The following CRBN variants were observed in gnomAD, a reference collection of about 807,000 sequenced individuals.
CRBN encodes the protein protein cereblon.
In CRBN, 53 loss-of-function variants were observed where a neutral mutation model predicts 62.2. The ratio of observed to expected loss-of-function variants is 0.85; its 90% CI spans 0.68 to 1.07. CRBN has a LOEUF of 1.07. CRBN is among the 50% of genes least tolerant of loss of function. The pLI is 0.00. For missense variants in CRBN, 616 were observed against 531.1 expected (o/e 1.16, Z -1.57); for synonymous variants, 208 against 176.1 (o/e 1.18, Z -1.43).
chr3:3,159,431 G>C (rs938698713), intron 5 of CRBN, among the ~76,000 whole-genome samples: 5 of 152,110 alleles, frequency 3.3e-5, no homozygotes, highest in Non-Finnish European at 7.4e-5. Flanking sequence ...TAATACAAAA[G>C]AAATGTAAAA....
At chr3:3,179,568 G>A (rs933094848) in intron 1 of CRBN, 53 bp downstream of exon 1, 11 of 1,564,634 alleles carry the variant, frequency 7.0e-6, no homozygotes, top group Admixed American at 5.0e-5. Context: ...CACCGCTAGC[G>A]GCTCCGAGCC....
chr3:3,166,434 T>C (rs1285827538), intron 5 of CRBN, among the ~76,000 whole-genome samples: 2 of 152,178 alleles, frequency 1.3e-5, no homozygotes, highest in Non-Finnish European at 2.9e-5. Context: ...TGCTCAGTCT[T>C]GGTTATGTCT....
chr3:3,164,526 C>T (rs1282463289), intron 5 of CRBN, among the ~76,000 whole-genome samples: 2 of 152,176 alleles, frequency 1.3e-5, no homozygotes, highest in Non-Finnish European at 2.9e-5. Flanking sequence ...CTGGCCATTC[C>T]AAAAATCCTA....
intron 5 of CRBN, among the ~76,000 whole-genome samples, chr3:3,164,167 A>G (rs1198407837): frequency 2.0e-5 from 3 of 152,196 alleles, no homozygotes; most frequent in Non-Finnish European, 4.4e-5. Context: ...AGGCTAATTA[A>G]TAACTTTACA....
At chr3:3,167,538 G>A (rs1175802152) in intron 5 of CRBN, 96 bp downstream of exon 5, 1 of 1,198,356 alleles carries the variant, frequency 8.3e-7, no homozygotes, top group African/African-American at 1.5e-5. Context: ...AAGGTGGCTG[G>A]GTAATGAATC....
chr3:3,158,087 C>T (rs771816556), intron 5 of CRBN, among the ~76,000 whole-genome samples: 63 of 152,168 alleles, frequency 4.1e-4, no homozygotes, highest in African/African-American at 1.1e-3. Context: ...CCAACCTTTT[C>T]GACACCAGGG....
At chr3:3,158,485 A>G (rs1037250569) in intron 5 of CRBN, among the ~76,000 whole-genome samples, 8 of 152,210 alleles carry the variant, frequency 5.3e-5, no homozygotes, top group Non-Finnish European at 7.4e-5. Flanking sequence ...GTACTCTCCA[A>G]TAAGTTGTCC....
At chr3:3,173,703 TG>T (rs1281038625) in intron 3 of CRBN, among the ~76,000 whole-genome samples, 4 of 152,324 alleles carry the variant, frequency 2.6e-5, no homozygotes, top group African/African-American at 9.6e-5. Context: ...ACCACTCTTT[TG>T]GAAAAGTAAT....
Position 3,179,662 on chromosome 3 carries a change from T to C in CRBN, c.26A>G (p.Asp9Gly), listed in dbSNP as rs148285043. The C allele has an allele frequency of 5.6e-6, 9 of 1,613,008 alleles. No individual in the cohort carries two copies. The highest frequency in any genetic ancestry group is 5.1e-6 in the Non-Finnish European group (6 of 1,179,610). Residue 9 changes from aspartate to glycine, a missense_variant, in exon 1 of 11, where the codon GAC becomes GGC. Transcript: ENST00000231948. ...GTGGTTGCCCATGTTGTGCGCAGCG[T>C]CCTGCTGATCTCCTTCGCCGGCCAT... Reference protein sequence around the residue: MAGEGDQQDAAHNMGNHLP... With the variant: MAGEGDQQGAAHNMGNHLP...
chr3:3,172,534 G>A, intron 4 of CRBN: 2 of 540,782 alleles, frequency 3.7e-6, no homozygotes, highest in Non-Finnish European at 6.6e-6. Context: ...AGATGCTGCA[G>A]CCTCATCACT....
intron 1 of CRBN, among the ~76,000 whole-genome samples, chr3:3,175,641 T>C (rs1353160831): frequency 6.6e-6 from 1 of 152,204 alleles, no homozygotes; most frequent in African/African-American, 2.4e-5. Flanking sequence ...TTTAAATGGA[T>C]TCCCTTAGTT....
intron 1 of CRBN, 43 bp downstream of exon 1, chr3:3,179,578 C>A: frequency 6.3e-7 from 1 of 1,593,310 alleles, no homozygotes. Context: ...GGCTCCGAGC[C>A]TCGCCCCACT....
chr3:3,178,202 T>C (rs9872513), intron 1 of CRBN, among the ~76,000 whole-genome samples: 5,006 of 152,168 alleles, frequency 0.033, 293 homozygotes, highest in African/African-American at 0.11. Flanking sequence ...TCTGAAAAAA[T>C]AGCTCAGCTT....
chr3:3,150,320 A>C lies in CRBN; in HGVS notation c.*545T>G, dbSNP rs1706427116. The C allele has an allele frequency of 6.6e-6, 1 of 151,738 alleles. No individual in the cohort carries two copies. The highest frequency in any genetic ancestry group is 2.5e-5 in the African/African-American group (1 of 40,622). The allele number at this position is 151,738 out of a possible 1,614,324, so 9.4% of individuals were successfully genotyped here. On this transcript the variant is annotated 3_prime_UTR_variant, in exon 11 of 11. Coordinates refer to ENST00000231948, the MANE Select transcript of CRBN (RefSeq NM_016302.4). ...AACTAATTTTCAAAATTTACAAATC[A>C]GTATCTCAGAGAAGTTAAAGAAAAT...
At chr3:3,154,597 T>G (rs370455624) in intron 7 of CRBN, 150 bp downstream of exon 7, 4 of 602,870 alleles carry the variant, frequency 6.6e-6, no homozygotes, top group Non-Finnish European at 1.2e-5. Flanking sequence ...TCATTTTTTT[T>G]CAACTGCTCA....
chr3:3,168,178 C>G (rs747092068), intron 4 of CRBN, among the ~76,000 whole-genome samples: 1 of 152,012 alleles, frequency 6.6e-6, no homozygotes, highest in East Asian at 1.9e-4. Context: ...TCTATCCCCC[C>G]ACTTCTTATG....
At chr3:3,162,974 C>A (rs1261986055) in intron 5 of CRBN, among the ~76,000 whole-genome samples, 1 of 152,198 alleles carries the variant, frequency 6.6e-6, no homozygotes, top group Non-Finnish European at 1.5e-5. Context: ...AAAGGTGCAG[C>A]ATGCCAAACC....
intron 1 of CRBN, 106 bp from the exon 2 acceptor site, chr3:3,175,375 G>T: frequency 1.2e-6 from 1 of 830,454 alleles, no homozygotes; most frequent in Non-Finnish European, 2.0e-6. Flanking sequence ...ACATGCATTT[G>T]GTAAACTCTA....
chr3:3,152,448 A>G lies in CRBN; in HGVS notation c.1148+8T>C. 1 of 1,613,050 alleles carries G rather than the reference A, an allele frequency of 6.2e-7. No individual in the cohort carries two copies. Among genetic ancestry groups the G allele is most frequent in the Non-Finnish European group, 8.5e-7 (1 of 1,179,720 alleles). On this transcript the variant is annotated splice_region_variant and intron_variant, in intron 10 of 10. Coordinates refer to ENST00000231948, the MANE Select transcript of CRBN (RefSeq NM_016302.4). ...GAAAAAAAAAAGCAACCACCACCAT[A>G]ATATTACCCAGGAAACCAGCTGTGT...
Sources: gnomAD v4.1 joint callset for allele counts (sites outside exome capture counted in the v4.1 genomes callset) on GRCh38, gnomAD v4.1.1 for gene constraint, MANE v1.5 for transcripts, NCBI Gene and HGNC (gene_info 2026-07-23, HGNC 2026-07-21) for gene names.